Variants in EPHB2 observed in about 807,000 individuals in gnomAD.
EPHB2 encodes the protein ephrin type-B receptor 2.
A neutral mutation model predicts 96.4 loss-of-function variants in EPHB2; 18 were observed. The observed-to-expected ratio is 0.19, with a 90% CI of 0.13 to 0.28. The LOEUF (loss-of-function observed/expected upper bound fraction) is 0.28, where lower values mean the gene tolerates loss of function less well. Among genes scored for constraint, EPHB2 ranks in the 10% least tolerant of loss-of-function variants. The pLI, the probability that EPHB2 is intolerant of heterozygous loss-of-function variation, is 1.00. For missense variants in EPHB2, 989 were observed against 1,355.4 expected (o/e 0.73, Z 4.25); for synonymous variants, 506 against 534.1 (o/e 0.95, Z 0.72).
At chr1:22,857,800 G>A (rs994924692) in intron 3 of EPHB2, among the ~76,000 whole-genome samples, 4 of 152,080 alleles carry the variant, frequency 2.6e-5, no homozygotes, top group African/African-American at 4.8e-5. Context: ...CTTGTAAGAG[G>A]CACATTGATT....
At position 22,858,118 on chromosome 1, in the gene EPHB2, C is replaced by T. The variant is rs971190960; in HGVS notation, c.812-4919C>T. ...TGGGGTCTGAAGGAGGAAAAGGAGCCAGCGACGGGAAGAGCAGGGAAAGCC... is the reference window on the plus strand; with the variant it reads ...TGGGGTCTGAAGGAGGAAAAGGAGCTAGCGACGGGAAGAGCAGGGAAAGCC... On this transcript the variant is annotated intron_variant, in intron 3 of 15. Transcript: ENST00000374630. This position sits in a 1 kb window ranked among gnomAD's most constrained non-coding sequence, Gnocchi z 7.7. Among the ~76,000 whole-genome samples the T allele has an allele frequency of 6.6e-6, 1 of 152,076 alleles. No homozygotes were observed. The highest frequency in any genetic ancestry group is 1.5e-5 in the Non-Finnish European group (1 of 68,022).
intron 1 of EPHB2, among the ~76,000 whole-genome samples, chr1:22,760,759 T>G (rs995658522): frequency 6.6e-6 from 1 of 152,096 alleles, no homozygotes; most frequent in African/African-American, 2.4e-5. Flanking sequence ...TCCAGGGGCC[T>G]CCCCATCATC....
rs369378873 is a variant in EPHB2, at chr1:22,781,402, C to T, written c.62-19C>T. ...CCTGGTAGGTGGGGCGGGGTGGTGA[C>T]TCTTTGCTCTCCCCACAGAAACGCT... On this transcript the variant is annotated intron_variant, in intron 1 of 15. Transcript: ENST00000374630. 5.6e-6 allele frequency: 9 copies of T among 1,613,170 alleles called. No individual in the cohort carries two copies. The African/African-American group carries it at 1.1e-4, about 19-fold the overall frequency.
intron 3 of EPHB2, among the ~76,000 whole-genome samples, 166 bp from the exon 4 acceptor site, chr1:22,862,871 G>A (rs768171834): frequency 6.6e-6 from 1 of 152,198 alleles, no homozygotes; most frequent in Non-Finnish European, 1.5e-5. Flanking sequence ...GAACTCCCAC[G>A]TTGGGGCCTG....
At chr1:22,761,338 G>C (rs182144554) in intron 1 of EPHB2, among the ~76,000 whole-genome samples, 61 of 152,272 alleles carry the variant, frequency 4.0e-4, no homozygotes, top group African/African-American at 1.3e-3. Context: ...GAGGGATCGT[G>C]GGGGGAGATA....
At chr1:22,856,405 G>A (rs1372244955) in intron 3 of EPHB2, among the ~76,000 whole-genome samples, 2 of 152,212 alleles carry the variant, frequency 1.3e-5, no homozygotes, top group Non-Finnish European at 2.9e-5. Context: ...GGCTCTGGGC[G>A]ATTGCAGAAG....
At chr1:22,833,972 G>A (rs1645344092) in intron 3 of EPHB2, among the ~76,000 whole-genome samples, 1 of 151,648 alleles carries the variant, frequency 6.6e-6, no homozygotes, top group African/African-American at 2.4e-5. Context: ...AGACAAAACA[G>A]CATTATTAGG....
intron 3 of EPHB2, among the ~76,000 whole-genome samples, chr1:22,857,843 C>T (rs368139486): frequency 1.5e-4 from 23 of 152,200 alleles, no homozygotes; most frequent in African/African-American, 3.4e-4. Flanking sequence ...TGCCTACGAC[C>T]GGCCCGCGGC....
rs907114013 is a variant in EPHB2 at position 22,912,799 on chromosome 1, T to C, written c.2852+200T>C. ...CTGCCACCTACAAGCTCTGTGACCTTGGTCAAATCATAGCACCTCCCTCAG... is the reference window on the plus strand; with the variant it reads ...CTGCCACCTACAAGCTCTGTGACCTCGGTCAAATCATAGCACCTCCCTCAG... On this transcript the variant is annotated intron_variant, in intron 15 of 15. Transcript: ENST00000374630. 30 of 711,880 alleles carry C rather than the reference T, an allele frequency of 4.2e-5. No individual in the cohort carries two copies. In the African/African-American group the frequency reaches 4.9e-4, roughly 12 times the overall value. The allele number at this position is 711,880 out of a possible 1,614,324, so 44.1% of individuals were successfully genotyped here.
chr1:22,781,408 G>A lies in EPHB2; in HGVS notation c.62-13G>A, dbSNP rs547500336. The A allele has an allele frequency of 4.6e-5, 75 of 1,613,508 alleles. 4 individuals carry two copies. In the South Asian group the frequency reaches 7.6e-4, roughly 16 times the overall value. Reference sequence around the variant, plus strand: ...AGGTGGGGCGGGGTGGTGACTCTTTGCTCTCCCCACAGAAACGCTAATGGA... The same window carrying A: ...AGGTGGGGCGGGGTGGTGACTCTTTACTCTCCCCACAGAAACGCTAATGGA... On this transcript the variant is annotated splice_polypyrimidine_tract_variant and intron_variant, in intron 1 of 15. Transcript: ENST00000374630.
At chr1:22,837,468 A>G (rs917473149) in intron 3 of EPHB2, among the ~76,000 whole-genome samples, 1 of 152,190 alleles carries the variant, frequency 6.6e-6, no homozygotes, top group African/African-American at 2.4e-5. Context: ...GAGAGATAAA[A>G]GAGTTTCTCT....
At chr1:22,863,284 T>C in intron 4 of EPHB2, 92 bp downstream of exon 4, 1 of 1,587,634 alleles carries the variant, frequency 6.3e-7, no homozygotes, top group Non-Finnish European at 8.6e-7. Flanking sequence ...GCCGTCCGGT[T>C]ACAGCCAGTC....
chr1:22,749,234 T>C (rs113819034), intron 1 of EPHB2, among the ~76,000 whole-genome samples: 11,979 of 152,152 alleles, frequency 0.079, 593 homozygotes, highest in Admixed American at 0.13. Context: ...TTGGCCAGGC[T>C]GGTCTCGAAC....
intron 11 of EPHB2, 102 bp from the exon 12 acceptor site, chr1:22,907,851 C>A: frequency 6.9e-7 from 1 of 1,443,332 alleles, no homozygotes; most frequent in Non-Finnish European, 9.7e-7. Context: ...AGCCCAGAGC[C>A]AGGCTGGCAG....
At position 22,914,909 on chromosome 1, in the gene EPHB2, G is replaced by A. The variant is rs1468196061; in HGVS notation, c.*1339G>A. ...GGGCTCTGAGGCTGCAGGGCTGGAA[G>A]TCCTTGCCCACTTCCCACTCTCCTG... is the stretch of plus-strand genomic sequence containing the variant. On this transcript the variant is annotated 3_prime_UTR_variant, in exon 16 of 16. Transcript: ENST00000374630. 3 of 152,598 alleles carry A rather than the reference G, an allele frequency of 2.0e-5. No individual in the cohort carries two copies. The highest frequency in any genetic ancestry group is 4.4e-5 in the Non-Finnish European group (3 of 68,052). 9.5% of individuals were successfully genotyped at this position (152,598 alleles called of 1,614,324 possible). A position where few individuals can be genotyped will look rare whatever the true frequency, so the allele number is the denominator to read the frequency against.
intron 1 of EPHB2, among the ~76,000 whole-genome samples, chr1:22,718,647 C>T (rs1321961021): frequency 6.6e-6 from 1 of 152,120 alleles, no homozygotes; most frequent in Non-Finnish European, 1.5e-5. Context: ...CTCGGCCTCC[C>T]AAAGTGCTGG....
intron 1 of EPHB2, among the ~76,000 whole-genome samples, chr1:22,738,037 C>A (rs1281006188): frequency 6.6e-6 from 1 of 152,188 alleles, no homozygotes; most frequent in Admixed American, 6.5e-5. Flanking sequence ...CATGCTCTAC[C>A]TTGAGGCAAG....
Position 22,910,522 on chromosome 1 carries a change from C to T in EPHB2, c.2643C>T (p.Asp881=), listed in dbSNP as rs1640060710. Residue 881 remains aspartate (D), a synonymous_variant, in exon 14 of 16, where the codon GAC becomes GAT. Coordinates refer to ENST00000374630, the MANE Select transcript of EPHB2 (RefSeq NM_017449.5). Reference sequence around the variant, plus strand: ...TCGGCCAAATTGTCAACACGCTAGACAAGATGATCCGCAATCCCAACAGCC... The same window carrying T: ...TCGGCCAAATTGTCAACACGCTAGATAAGATGATCCGCAATCCCAACAGCC... ...PKFGQIVNTL[D]KMIRNPNSLK... 1 of 1,613,156 alleles carries T rather than the reference C, an allele frequency of 6.2e-7. No homozygotes were observed. The highest frequency in any genetic ancestry group is 1.6e-4 in the Middle Eastern group (1 of 6,062).
chr1:22,755,540 G>C (rs545079549), intron 1 of EPHB2, among the ~76,000 whole-genome samples: 40 of 152,244 alleles, frequency 2.6e-4, no homozygotes, highest in African/African-American at 9.6e-4. Context: ...CTTGATAGTA[G>C]ACAAATGGTG....
Sources: gnomAD v4.1 joint callset for allele counts (sites outside exome capture counted in the v4.1 genomes callset) on GRCh38, gnomAD v4.1.1 for gene constraint, Gnocchi (gnomAD v3.1) non-coding constraint, MANE v1.5 for transcripts, NCBI Gene and HGNC (gene_info 2026-07-23, HGNC 2026-07-21) for gene names.